The following PSMG1 variants were observed in gnomAD, a reference collection of about 807,000 sequenced individuals.
PSMG1 encodes the protein Down syndrome critical region gene 2.
Under a neutral mutation model 37.2 loss-of-function variants are expected in PSMG1, and 23 were observed. That is an observed-to-expected ratio of 0.62 (90% CI 0.44 to 0.88). The LOEUF is 0.88. PSMG1 is among the 40% of genes least tolerant of loss of function. PSMG1 has a pLI of 0.00. For missense variants in PSMG1, 340 were observed against 344.2 expected (o/e 0.99, Z 0.10); for synonymous variants, 127 against 128.0 (o/e 0.99, Z 0.05).
At position 39,183,189 on chromosome 21, in the gene PSMG1, G is replaced by T. The variant is rs112890961; in HGVS notation, c.134+63C>A. On this transcript the variant is annotated intron_variant, in intron 1 of 6. Coordinates refer to ENST00000331573, the MANE Select transcript of PSMG1 (RefSeq NM_003720.4). ...GAGCCCCGGCCTTAGGCGCCGTCGCGGCTGCCAGGCCCGCGCACCTTCCAG... is the reference window on the plus strand; with the variant it reads ...GAGCCCCGGCCTTAGGCGCCGTCGCTGCTGCCAGGCCCGCGCACCTTCCAG... The T allele has an allele frequency of 2.1e-4, 305 of 1,452,888 alleles. 2 individuals carry two copies. In the African/African-American group the frequency reaches 3.8e-3, roughly 18 times the overall value. 90.0% of individuals were successfully genotyped at this position (1,452,888 alleles called of 1,614,324 possible).
At chr21:39,176,973 C>T (rs1394262447) in intron 6 of PSMG1, among the ~76,000 whole-genome samples, 2 of 151,980 alleles carry the variant, frequency 1.3e-5, no homozygotes, top group Non-Finnish European at 2.9e-5. Context: ...GAAAATGAGA[C>T]CAAAGGTATA....
At chr21:39,179,310 CTACT>C (rs1569142535) in intron 4 of PSMG1, among the ~76,000 whole-genome samples, 2 of 152,124 alleles carry the variant, frequency 1.3e-5, no homozygotes, top group Admixed American at 6.5e-5. Context: ...CCAGCACTAC[CTACT>C]TAAGGGGCCT....
At chr21:39,179,571 C>G (rs542946158) in intron 4 of PSMG1, among the ~76,000 whole-genome samples, 5 of 152,122 alleles carry the variant, frequency 3.3e-5, no homozygotes, top group Non-Finnish European at 5.9e-5. Flanking sequence ...TTCTAAGAAC[C>G]CTTTTACCTT....
intron 5 of PSMG1, among the ~76,000 whole-genome samples, chr21:39,178,033 CTT>C (rs548000003): frequency 6.5e-4 from 99 of 152,238 alleles, no homozygotes; most frequent in African/African-American, 2.3e-3. Context: ...ATGGCAGTCT[CTT>C]TGTCATATGA....
At chr21:39,183,132 C>G (rs891565207) in intron 1 of PSMG1, 120 bp downstream of exon 1, 17 of 1,269,760 alleles carry the variant, frequency 1.3e-5, no homozygotes, top group African/African-American at 9.5e-5. Flanking sequence ...CAAGGAGCGG[C>G]GGCAACCGCG....
Position 39,175,159 on chromosome 21 carries a change from TGGGC to T in PSMG1, c.*427_*430del, listed in dbSNP as rs2030583600. On this transcript the variant is annotated 3_prime_UTR_variant, in exon 7 of 7. Transcript: ENST00000331573. The stretch of plus-strand genomic sequence containing the variant: ...TAGCTTTGAAAAATTTAACTAAAGT[TGGGC>T]ACAGTGGCTCACACCTGTAATCCCA... 6.6e-6 allele frequency: 1 copy of T among 152,274 alleles called. No homozygotes were observed. The highest frequency in any genetic ancestry group is 1.5e-5 in the Non-Finnish European group (1 of 68,212). 9.4% of individuals were successfully genotyped at this position (152,274 alleles called of 1,614,324 possible). A position where few individuals can be genotyped will look rare whatever the true frequency, so the allele number is the denominator to read the frequency against.
At position 39,175,015 on chromosome 21, in the gene PSMG1, C is replaced by A. The variant is rs1470523714; in HGVS notation, c.*575G>T. On this transcript the variant is annotated 3_prime_UTR_variant, in exon 7 of 7. Coordinates refer to ENST00000331573, the MANE Select transcript of PSMG1 (RefSeq NM_003720.4). ...ATTTTTACCCACAAGATAAAAAAAA[C>A]TGCAGGACTCCTAAAATATCCAGAA... is the stretch of plus-strand genomic sequence containing the variant. The A allele has an allele frequency of 2.6e-5, 4 of 152,178 alleles. No individual in the cohort carries two copies. The highest frequency in any genetic ancestry group is 9.7e-5 in the African/African-American group (4 of 41,444). 9.4% of individuals were successfully genotyped at this position (152,178 alleles called of 1,614,324 possible). A position where few individuals can be genotyped will look rare whatever the true frequency, so the allele number is the denominator to read the frequency against.
At chr21:39,179,885 T>C (rs2146409118) in intron 4 of PSMG1, 39 bp downstream of exon 4, 6 of 1,592,286 alleles carry the variant, frequency 3.8e-6, no homozygotes, top group Non-Finnish European at 5.2e-6. Flanking sequence ...TGAAAACTCC[T>C]GTAGACTAAC....
rs888568561 is a variant in PSMG1, at chr21:39,180,042, T to G, written c.394-56A>C. ...AGTAAGTTTTATACACACCACAAACTATCACCATATATGTAACATGTGAAT... is the reference window on the plus strand; with the variant it reads ...AGTAAGTTTTATACACACCACAAACGATCACCATATATGTAACATGTGAAT... On this transcript the variant is annotated intron_variant, in intron 3 of 6. Coordinates refer to ENST00000331573, the MANE Select transcript of PSMG1 (RefSeq NM_003720.4). 12 of 1,521,044 alleles carry G rather than the reference T, an allele frequency of 7.9e-6. No homozygotes were observed. The East Asian group carries it at 9.0e-5, about 11-fold the overall frequency. 94.2% of individuals were successfully genotyped at this position (1,521,044 alleles called of 1,614,324 possible).
Position 39,180,311 on chromosome 21 carries a change from ACACAC to A in PSMG1, c.362_366del (p.Cys121PhefsTer54), listed in dbSNP as rs1483853540. 1 of 1,607,022 alleles carries A rather than the reference ACACAC, an allele frequency of 6.2e-7. No homozygotes were observed. The highest frequency in any genetic ancestry group is 8.5e-7 in the Non-Finnish European group (1 of 1,177,188). On this transcript the variant is annotated frameshift_variant, in exon 3 of 7. Coordinates refer to ENST00000331573, the MANE Select transcript of PSMG1 (RefSeq NM_003720.4). LOFTEE classifies it high-confidence loss of function. ...GAGGGATTGGATTTTAGATGATAAA[ACACAC>A]AAAAAGCCTCTGTGGAGGACAGATG... is the stretch of plus-strand genomic sequence containing the variant.
At chr21:39,180,231 A>T in intron 3 of PSMG1, 54 bp downstream of exon 3, 1 of 1,523,320 alleles carries the variant, frequency 6.6e-7, no homozygotes, top group Non-Finnish European at 8.9e-7. Context: ...ACCAGTAAAT[A>T]ACATGTAAGT....
At chr21:39,179,596 A>C (rs1382868908) in intron 4 of PSMG1, among the ~76,000 whole-genome samples, 1 of 152,120 alleles carries the variant, frequency 6.6e-6, no homozygotes, top group Non-Finnish European at 1.5e-5. Flanking sequence ...TAAGATCTAA[A>C]GTGATGTAAA....
chr21:39,177,414 T>C, intron 6 of PSMG1, 21 bp downstream of exon 6: 1 of 1,546,630 alleles, frequency 6.5e-7, no homozygotes, highest in Non-Finnish European at 8.7e-7. Context: ...AGCTATTAAT[T>C]TAAATGAGTT....
intron 4 of PSMG1, among the ~76,000 whole-genome samples, chr21:39,179,219 T>G (rs186071788): frequency 1.1e-3 from 165 of 152,264 alleles, no homozygotes; most frequent in African/African-American, 3.7e-3. Flanking sequence ...GAACTGTCAA[T>G]CACTTAAACC....
intron 1 of PSMG1, 98 bp downstream of exon 1, chr21:39,183,154 G>A: frequency 7.3e-7 from 1 of 1,373,134 alleles, no homozygotes; most frequent in Non-Finnish European, 9.4e-7. Flanking sequence ...GGGCCACTCG[G>A]AAGACCGCGG....
Position 39,175,496 on chromosome 21 carries a change from A to G in PSMG1, c.*94T>C, listed in dbSNP as rs908514658. 1.4e-6 allele frequency: 2 copies of G among 1,403,734 alleles called. No homozygotes were observed. Among genetic ancestry groups the G allele is most frequent in the Non-Finnish European group, 9.3e-7 (1 of 1,072,694 alleles). 87.0% of individuals were successfully genotyped at this position (1,403,734 alleles called of 1,614,324 possible). On this transcript the variant is annotated 3_prime_UTR_variant, in exon 7 of 7. Transcript: ENST00000331573. ...ATTTTATTCCGTTTCATCATTCTCA[A>G]AATATATCCCCCAAAAGTAATCTAC...
chr21:39,181,084 A>C (rs1238601609), intron 2 of PSMG1, among the ~76,000 whole-genome samples: 2 of 152,156 alleles, frequency 1.3e-5, no homozygotes, highest in African/African-American at 4.8e-5. Flanking sequence ...ACCTCAACAC[A>C]CTAGAAACAG....
chr21:39,180,791 C>G (rs2030800588), intron 2 of PSMG1, among the ~76,000 whole-genome samples: 1 of 152,166 alleles, frequency 6.6e-6, no homozygotes, highest in African/African-American at 2.4e-5. Context: ...TCTACAACCA[C>G]TAGGGGTACC....
rs2030666554 is a variant in PSMG1, at chr21:39,177,432, T to C, written c.792+3A>G. 2 of 1,581,162 alleles carry C rather than the reference T, an allele frequency of 1.3e-6. No homozygotes were observed. Among genetic ancestry groups the C allele is most frequent in the Non-Finnish European group, 1.7e-6 (2 of 1,169,062 alleles). ...TATTAATTTAAATGAGTTAAAACCT[T>C]ACCTTAACCAAACCCTTCAAGCTTC... On this transcript the variant is annotated splice_donor_region_variant and intron_variant, in intron 6 of 6. Coordinates refer to ENST00000331573, the MANE Select transcript of PSMG1 (RefSeq NM_003720.4).
Sources: allele counts gnomAD v4.1 joint callset (sites outside exome capture counted in the v4.1 genomes callset), GRCh38; gene constraint gnomAD v4.1.1; transcripts MANE v1.5; gene names NCBI Gene and HGNC (gene_info 2026-07-23, HGNC 2026-07-21).